Variants in ERC2 observed in about 807,000 individuals in gnomAD.
The protein encoded by ERC2 is ELKS/RAB6-interacting/CAST family member 2, also known as ERC protein 2.
In ERC2, 42 loss-of-function variants were observed where a neutral mutation model predicts 114.8. The ratio of observed to expected loss-of-function variants is 0.37; its 90% CI spans 0.29 to 0.47. The LOEUF (loss-of-function observed/expected upper bound fraction) is 0.47. Ranked by LOEUF, ERC2 falls within the 20% of genes least tolerant of loss-of-function variation. ERC2 has a pLI of 0.99. For missense variants in ERC2, 939 were observed against 1,150.7 expected (o/e 0.82, Z 2.66); for synonymous variants, 454 against 425.5 (o/e 1.07, Z -0.82).
intron 17 of ERC2, among the ~76,000 whole-genome samples, chr3:55,678,786 C>A (rs578103568): frequency 3.9e-5 from 6 of 152,306 alleles, no homozygotes; most frequent in African/African-American, 1.4e-4. Context: ...CCCCCACCAC[C>A]ACCAATAATG....
intron 13 of ERC2, among the ~76,000 whole-genome samples, chr3:55,904,582 T>C (rs1301901875): frequency 6.6e-6 from 1 of 152,176 alleles, no homozygotes; most frequent in East Asian, 1.9e-4. Flanking sequence ...CTTTTACAAC[T>C]CTAGCAGACC....
At chr3:56,357,648 T>C (rs1313686937) in intron 2 of ERC2, among the ~76,000 whole-genome samples, 1 of 151,564 alleles carries the variant, frequency 6.6e-6, no homozygotes. Context: ...ACCTACAGAG[T>C]GTACCGCTAA....
chr3:55,696,813 T>C (rs577070916), intron 16 of ERC2, among the ~76,000 whole-genome samples: 115 of 152,316 alleles, frequency 7.6e-4, no homozygotes, highest in African/African-American at 2.7e-3. Context: ...TCAGGAGATA[T>C]AGCCATCTCC....
intron 14 of ERC2, among the ~76,000 whole-genome samples, chr3:55,804,284 A>G (rs768854726): frequency 3.3e-5 from 5 of 152,192 alleles, no homozygotes; most frequent in African/African-American, 4.8e-5. Context: ...GCTTGGCTAC[A>G]GGCCTGCATT....
intron 6 of ERC2, among the ~76,000 whole-genome samples, chr3:56,097,937 A>G (rs563840796): frequency 1.8e-4 from 27 of 152,322 alleles, no homozygotes; most frequent in African/African-American, 6.3e-4. Flanking sequence ...TTAGCCTTCC[A>G]AACAGAATAT....
At chr3:55,794,889 T>G (rs2070350885) in intron 14 of ERC2, among the ~76,000 whole-genome samples, 1 of 152,216 alleles carries the variant, frequency 6.6e-6, no homozygotes, top group Non-Finnish European at 1.5e-5. Context: ...AGGATTCATT[T>G]ACATTACATT....
intron 2 of ERC2, among the ~76,000 whole-genome samples, chr3:56,352,259 C>T (rs1576554532): frequency 6.6e-6 from 1 of 152,078 alleles, no homozygotes; most frequent in African/African-American, 2.4e-5. Context: ...AATATTAAAA[C>T]CTAAACTAAG....
At chr3:56,152,805 T>C (rs578006239) in intron 4 of ERC2, among the ~76,000 whole-genome samples, 1 of 152,158 alleles carries the variant, frequency 6.6e-6, no homozygotes, top group Non-Finnish European at 1.5e-5. Context: ...GATGCATAAA[T>C]TGCAGATCAT....
chr3:56,055,278 T>A (rs73091011), intron 7 of ERC2, among the ~76,000 whole-genome samples: 20,667 of 152,210 alleles, frequency 0.14, 1,493 homozygotes, highest in East Asian at 0.16. Context: ...CAGTATTCCC[T>A]GATGGGGAGG....
intron 13 of ERC2, among the ~76,000 whole-genome samples, chr3:55,904,201 T>C (rs2064300569): frequency 6.6e-6 from 1 of 152,162 alleles, no homozygotes; most frequent in Non-Finnish European, 1.5e-5. Flanking sequence ...CACAACATTT[T>C]TGCCCTCATC....
At chr3:56,456,244 T>G (rs1363168558) in intron 1 of ERC2, among the ~76,000 whole-genome samples, 1 of 152,264 alleles carries the variant, frequency 6.6e-6, no homozygotes, top group Non-Finnish European at 1.5e-5. Flanking sequence ...CTTTGATTTC[T>G]CGTTACTTGT....
intron 10 of ERC2, among the ~76,000 whole-genome samples, chr3:56,005,729 A>C (rs2072431842): frequency 6.6e-6 from 1 of 152,084 alleles, no homozygotes; most frequent in Admixed American, 6.6e-5. Flanking sequence ...AAAATAATGC[A>C]GGGAATGGTC....
chr3:56,254,345 T>TC (rs1320468640), intron 3 of ERC2, among the ~76,000 whole-genome samples: 1 of 152,042 alleles, frequency 6.6e-6, no homozygotes, highest in Non-Finnish European at 1.5e-5. Flanking sequence ...CTTTTTTTTT[T>TC]CACTTTGAAA....
chr3:55,891,398 A>G (rs1314298699), intron 13 of ERC2, among the ~76,000 whole-genome samples: 1 of 149,302 alleles, frequency 6.7e-6, no homozygotes, highest in African/African-American at 2.5e-5. Context: ...AACTCCCAGC[A>G]TAACCTGGCC....
At chr3:56,272,944 C>T (rs964361116) in intron 3 of ERC2, among the ~76,000 whole-genome samples, 4 of 152,146 alleles carry the variant, frequency 2.6e-5, no homozygotes, top group African/African-American at 9.7e-5. Context: ...TGTAGTCTCA[C>T]GTATAAAAGG....
chr3:55,725,003 A>C (rs2064820934), intron 15 of ERC2, among the ~76,000 whole-genome samples: 1 of 152,244 alleles, frequency 6.6e-6, no homozygotes, highest in South Asian at 2.1e-4. Flanking sequence ...TTAAAAATAG[A>C]GCACAGATGT....
chr3:56,213,317 T>C (rs2049203652), intron 3 of ERC2, among the ~76,000 whole-genome samples: 1 of 152,212 alleles, frequency 6.6e-6, no homozygotes, highest in African/African-American at 2.4e-5. Flanking sequence ...ACTCCCACCC[T>C]AATACTGTGC....
chr3:56,303,512 G>A (rs576513132), intron 2 of ERC2, among the ~76,000 whole-genome samples: 1 of 152,250 alleles, frequency 6.6e-6, no homozygotes, highest in Non-Finnish European at 1.5e-5. Context: ...CTAGGCTTCC[G>A]GGAGACTGCA....
intron 14 of ERC2, among the ~76,000 whole-genome samples, chr3:55,794,247 T>C (rs1305271179): frequency 6.6e-6 from 1 of 152,184 alleles, no homozygotes; most frequent in Non-Finnish European, 1.5e-5. Context: ...AAAATCTTTA[T>C]CTCTAGAAAC....
Sources: gnomAD v4.1 joint callset for allele counts (sites outside exome capture counted in the v4.1 genomes callset) on GRCh38, gnomAD v4.1.1 for gene constraint, MANE v1.5 for transcripts, NCBI Gene and HGNC (gene_info 2026-07-23, HGNC 2026-07-21) for gene names.